The following SHC4 variants were observed in gnomAD, a reference collection of about 807,000 sequenced individuals.
SHC4 encodes SHC-transforming protein 4.
Under a neutral mutation model 69.4 loss-of-function variants are expected in SHC4, and 41 were observed. The ratio of observed to expected loss-of-function variants is 0.59; its 90% CI spans 0.46 to 0.77. The LOEUF is 0.77. Ranked by LOEUF, SHC4 falls within the 30% of genes least tolerant of loss-of-function variation. The pLI is 0.00. For synonymous variants in SHC4, 318 were observed against 299.3 expected (o/e 1.06, Z -0.64); for missense variants, 777 against 783.8 (o/e 0.99, Z 0.10).
intron 2 of SHC4, among the ~76,000 whole-genome samples, chr15:48,891,174 T>A (rs1357288733): frequency 6.6e-6 from 1 of 152,210 alleles, no homozygotes; most frequent in Non-Finnish European, 1.5e-5. Context: ...TTTAGCAAAA[T>A]CATCTCTGTA....
At chr15:48,917,598 G>C (rs560905864) in intron 2 of SHC4, among the ~76,000 whole-genome samples, 10 of 152,224 alleles carry the variant, frequency 6.6e-5, no homozygotes, top group Non-Finnish European at 1.0e-4. Context: ...ATCTGGTCCA[G>C]AATCAGCCAA....
chr15:48,958,159 C>T lies in SHC4; in HGVS notation c.585+4272G>A, dbSNP rs1901484924. 2.6e-5 allele frequency among the ~76,000 whole-genome samples: 4 copies of T among 152,198 alleles called. No homozygotes were observed. The South Asian group carries it at 8.3e-4, about 31-fold the overall frequency. On this transcript the variant is annotated intron_variant, in intron 1 of 11. Transcript: ENST00000332408. The stretch of plus-strand genomic sequence containing the variant: ...CTAATGCGATCTGGGAAACAGTTGG[C>T]TGGGCTGGGCTGAAGTGAAGAGACT...
At chr15:48,840,810 G>A (rs1179276621) in intron 10 of SHC4, among the ~76,000 whole-genome samples, 1 of 152,116 alleles carries the variant, frequency 6.6e-6, no homozygotes, top group Non-Finnish European at 1.5e-5. Flanking sequence ...GCAGCAAGGA[G>A]CCCAAGAGCG....
At chr15:48,889,962 CA>C (rs1900106664) in intron 3 of SHC4, among the ~76,000 whole-genome samples, 1 of 152,234 alleles carries the variant, frequency 6.6e-6, no homozygotes, top group Non-Finnish European at 1.5e-5. Flanking sequence ...TTCAAACCAA[CA>C]AAATATTCTA....
intron 1 of SHC4, among the ~76,000 whole-genome samples, chr15:48,942,796 G>C (rs1901199582): frequency 6.6e-6 from 1 of 152,176 alleles, no homozygotes; most frequent in Non-Finnish European, 1.5e-5. Context: ...TCAGGCTTGA[G>C]ATTTACATAG....
At chr15:48,878,190 C>G in intron 4 of SHC4, 4 of 1,559,506 alleles carry the variant, frequency 2.6e-6, no homozygotes, top group East Asian at 2.3e-5. Flanking sequence ...TCGGAAATGG[C>G]TGAGTTGTCC....
intron 8 of SHC4, among the ~76,000 whole-genome samples, chr15:48,852,495 C>T (rs986037990): frequency 1.3e-5 from 2 of 151,946 alleles, no homozygotes; most frequent in African/African-American, 2.4e-5. Flanking sequence ...TAAAAATACT[C>T]ATAATAAAAT....
At chr15:48,855,752 A>C (rs1899300610) in intron 8 of SHC4, among the ~76,000 whole-genome samples, 1 of 151,738 alleles carries the variant, frequency 6.6e-6, no homozygotes, top group Non-Finnish European at 1.5e-5. Context: ...GAGATATGAG[A>C]TCATCTGCTG....
At chr15:48,926,080 G>A (rs796885461) in intron 1 of SHC4, among the ~76,000 whole-genome samples, 37 of 152,244 alleles carry the variant, frequency 2.4e-4, no homozygotes, top group African/African-American at 7.9e-4. Flanking sequence ...TTAAGGCACC[G>A]GTGGGGTATC....
At chr15:48,871,526 G>C (rs1244797508) in intron 5 of SHC4, among the ~76,000 whole-genome samples, 1 of 152,240 alleles carries the variant, frequency 6.6e-6, no homozygotes, top group South Asian at 2.1e-4. Context: ...TAGGCTTGGA[G>C]AAATCCTGTA....
intron 4 of SHC4, among the ~76,000 whole-genome samples, chr15:48,882,215 A>C (rs1194249790): frequency 6.6e-6 from 1 of 152,116 alleles, no homozygotes; most frequent in Non-Finnish European, 1.5e-5. Flanking sequence ...TCTTGAGTTG[A>C]GGCCTCTACA....
rs1425181913 is a variant in SHC4 at position 48,823,924 on chromosome 15, AC to A, written c.*2046del. 1.3e-5 allele frequency: 2 copies of A among 152,182 alleles called. No individual in the cohort carries two copies. The highest frequency in any genetic ancestry group is 2.9e-5 in the Non-Finnish European group (2 of 68,036). The allele number at this position is 152,182 out of a possible 1,614,324, so 9.4% of individuals were successfully genotyped here. A position where few individuals can be genotyped will look rare whatever the true frequency, so the allele number is the denominator to read the frequency against. ...TTTAAGTGCTGTATTTAACTACTAT[AC>A]TATTACAGTCAAATACTGATTATCC... On this transcript the variant is annotated 3_prime_UTR_variant, in exon 12 of 12. Transcript: ENST00000332408.
rs751908848 is a variant in SHC4 at position 48,878,557 on chromosome 15, T to G, written c.840+5691A>C. ...GTGCCGGCTACAGAGTATCAGCCGC[T>G]CTTGAAGAAGCCGACAAGATGTTTC... On this transcript the variant is annotated intron_variant, in intron 4 of 11. Coordinates refer to ENST00000332408, the MANE Select transcript of SHC4 (RefSeq NM_203349.4). The G allele has an allele frequency of 2.5e-6, 4 of 1,613,900 alleles. No homozygotes were observed. In the Admixed American group the frequency reaches 6.7e-5, roughly 27 times the overall value.
chr15:48,847,495 T>A (rs771657016), intron 9 of SHC4, among the ~76,000 whole-genome samples: 11 of 152,226 alleles, frequency 7.2e-5, no homozygotes, highest in Non-Finnish European at 1.3e-4. Flanking sequence ...AACCAGAGGC[T>A]ACTGCAGTAT....
At chr15:48,861,659 A>C (rs1374136105) in intron 6 of SHC4, among the ~76,000 whole-genome samples, 3 of 152,222 alleles carry the variant, frequency 2.0e-5, no homozygotes, top group African/African-American at 4.8e-5. Context: ...GGATATGGTA[A>C]CTTTGTTACC....
chr15:48,863,338 T>C (rs1242590851), intron 6 of SHC4, among the ~76,000 whole-genome samples: 1 of 152,146 alleles, frequency 6.6e-6, no homozygotes, highest in Non-Finnish European at 1.5e-5. Context: ...GATTATACTA[T>C]ACACAATCTT....
chr15:48,898,609 C>T (rs1900264707), intron 2 of SHC4, among the ~76,000 whole-genome samples: 1 of 152,152 alleles, frequency 6.6e-6, no homozygotes. Context: ...GTGATTCTGC[C>T]CTTTGGCTCT....
chr15:48,963,890 G>T lies in SHC4; in HGVS notation c.-875C>A, dbSNP rs756651851. Among the ~76,000 whole-genome samples, 6 of 152,236 alleles carry T rather than the reference G, an allele frequency of 3.9e-5. No individual in the cohort carries two copies. The highest frequency in any genetic ancestry group is 8.8e-5 in the Non-Finnish European group (6 of 68,040). ...TGAACTTTGCCGAATGAATTTCTCT[G>T]TGTGTGTGCAAGCTAATAAATCTGT... On this transcript the variant is annotated 5_prime_UTR_variant, in exon 1 of 12. Transcript: ENST00000332408.
intron 11 of SHC4, 102 bp downstream of exon 11, chr15:48,834,667 A>T: frequency 6.7e-7 from 1 of 1,501,622 alleles, no homozygotes; most frequent in Middle Eastern, 1.9e-4. Context: ...AAAAGCAAAT[A>T]CTTAGCCTTG....
Sources: gnomAD v4.1 joint callset for allele counts (sites outside exome capture counted in the v4.1 genomes callset) on GRCh38, gnomAD v4.1.1 for gene constraint, MANE v1.5 for transcripts, NCBI Gene and HGNC (gene_info 2026-07-23, HGNC 2026-07-21) for gene names.